Variants in CELF2 observed in about 807,000 individuals in gnomAD.
CELF2 encodes the protein CUG triplet repeat RNA-binding protein 2.
A neutral mutation model predicts 62.6 loss-of-function variants in CELF2; 8 were observed. The ratio of observed to expected loss-of-function variants is 0.13; its 90% confidence interval spans 0.07 to 0.23. The LOEUF (loss-of-function observed/expected upper bound fraction) is 0.23, where lower values mean the gene tolerates loss of function less well. Among genes scored for constraint, CELF2 ranks in the 10% least tolerant of loss-of-function variants. The probability of loss-of-function intolerance (pLI) is 1.00; values close to 1 mark genes in which losing one functional copy is unlikely to be tolerated. For synonymous variants in CELF2, 258 were observed against 250.0 expected, an observed-to-expected ratio of 1.03 and a Z score of -0.30; for missense variants, 333 against 671.0, an observed-to-expected ratio of 0.50 and a Z score of 5.56.
At chr10:10,540,348 C>A in the CELF2 span, among the ~76,000 whole-genome samples, 2 of 152,208 alleles carry the variant, frequency 1.3e-5, no homozygotes, top group Admixed American at 1.3e-4. Flanking sequence ...CTCATGCACA[C>A]AGTCCTGGGT....
At chr10:10,817,935 G>A (rs2056620824) in intron 1 of CELF2, among the ~76,000 whole-genome samples, 1 of 152,150 alleles carries the variant, frequency 6.6e-6, no homozygotes, top group South Asian at 2.1e-4. Context: ...AATCCAGTCT[G>A]CCACTTCATA....
At chr10:11,137,323 G>A (rs149833029) in intron 1 of CELF2, among the ~76,000 whole-genome samples, 326 of 152,320 alleles carry the variant, frequency 2.1e-3, no homozygotes, top group Non-Finnish European at 3.6e-3. Context: ...ATCTTCTGGA[G>A]TTAGCCCTCT....
chr10:10,840,971 T>G (rs1404944758), intron 1 of CELF2, among the ~76,000 whole-genome samples: 1 of 152,206 alleles, frequency 6.6e-6, no homozygotes, highest in Non-Finnish European at 1.5e-5. Context: ...GTTAGTTTGC[T>G]GAGAATGATG....
chr10:10,909,702 T>C (rs748066083), intron 1 of CELF2, among the ~76,000 whole-genome samples: 1 of 152,242 alleles, frequency 6.6e-6, no homozygotes, highest in Non-Finnish European at 1.5e-5. Context: ...TCCCTTGATA[T>C]CTGTTTCAGC....
chr10:11,239,873 G>A (rs1458108493), intron 3 of CELF2, among the ~76,000 whole-genome samples: 3 of 152,124 alleles, frequency 2.0e-5, no homozygotes, highest in African/African-American at 7.2e-5. Flanking sequence ...GGCCAACATG[G>A]TGAAACCCCG....
chr10:10,853,892 A>G (rs553581316), intron 1 of CELF2, among the ~76,000 whole-genome samples: 8 of 151,824 alleles, frequency 5.3e-5, no homozygotes, highest in African/African-American at 1.7e-4. Context: ...CAAGGAAATT[A>G]AAAGGGAGAG....
At chr10:10,508,676 G>A in the CELF2 span, among the ~76,000 whole-genome samples, 157 of 76,334 alleles carry the variant, frequency 2.1e-3, 1 homozygote, top group East Asian at 0.11. Context: ...GTGTGTGTGT[G>A]TGTGTGTGTG....
At chr10:11,051,929 G>T (rs946546060) in intron 1 of CELF2, among the ~76,000 whole-genome samples, 5 of 145,540 alleles carry the variant, frequency 3.4e-5, no homozygotes, top group Non-Finnish European at 7.4e-5. Flanking sequence ...TGGAGACAGG[G>T]TCTCTGTGGC....
the CELF2 span, among the ~76,000 whole-genome samples, chr10:10,564,674 G>GCA: frequency 3.1e-5 from 2 of 64,284 alleles, no homozygotes; most frequent in Non-Finnish European, 3.1e-5. Context: ...ACACACACAC[G>GCA]CACACACGCA....
rs745848953 is a variant in CELF2, at chr10:10,924,724, C to CTTTTTTTTTTTTTTTT, written c.89+4728_89+4743dup. 9.8e-4 allele frequency among the ~76,000 whole-genome samples: 87 copies of CTTTTTTTTTTTTTTTT among 89,152 alleles called. 6 individuals are homozygous for CTTTTTTTTTTTTTTTT. The highest frequency in any genetic ancestry group is 1.1e-3 in the Non-Finnish European group (57 of 49,972). The allele number at this position is 89,152 out of a possible 152,430, so 58.5% of individuals were successfully genotyped here. On this transcript the variant is annotated intron_variant, in intron 2 of 13. Transcript: ENST00000636488. ...GTATATTAATCCAGTAACTTGATCGCTTTTTTTTTTTTTTTTTTGCCTTCT... is the reference window on the plus strand; with the variant it reads ...GTATATTAATCCAGTAACTTGATCGCTTTTTTTTTTTTTTTTTTTTTTTTTTTTTTTTTTGCCTTCT...
At chr10:10,836,699 G>A (rs575933099) in intron 1 of CELF2, among the ~76,000 whole-genome samples, 4 of 152,194 alleles carry the variant, frequency 2.6e-5, no homozygotes, top group Admixed American at 2.0e-4. Flanking sequence ...GCCATGGCAC[G>A]ATCTTGGCTC....
At chr10:10,701,990 GAGC>G in the CELF2 span, among the ~76,000 whole-genome samples, 1 of 152,192 alleles carries the variant, frequency 6.6e-6, no homozygotes, top group Non-Finnish European at 1.5e-5. Context: ...GTAATTGAAG[GAGC>G]AGCGGTACCG....
chr10:10,478,815 AT>A, the CELF2 span, among the ~76,000 whole-genome samples: 8 of 152,220 alleles, frequency 5.3e-5, no homozygotes. Context: ...TTTTAAAAGC[AT>A]TCACAGCAAA....
At chr10:10,653,068 T>C in the CELF2 span, among the ~76,000 whole-genome samples, 2 of 152,140 alleles carry the variant, frequency 1.3e-5, no homozygotes, top group Non-Finnish European at 2.9e-5. Context: ...GTTGCAATCC[T>C]CATTTCTGAT....
chr10:10,672,292 G>T, the CELF2 span, among the ~76,000 whole-genome samples: 6 of 152,220 alleles, frequency 3.9e-5, no homozygotes, highest in African/African-American at 1.4e-4. Context: ...CCCGCCATTT[G>T]TGTCACACTC....
Position 11,159,291 on chromosome 10 carries a change from T to G in CELF2, c.75-6195T>G, listed in dbSNP as rs1381369528. 6.6e-6 allele frequency among the ~76,000 whole-genome samples: 1 copy of G among 152,244 alleles called. No individual in the cohort carries two copies. Among genetic ancestry groups the G allele is most frequent in the Non-Finnish European group, 1.5e-5 (1 of 68,046 alleles). On this transcript the variant is annotated intron_variant, in intron 1 of 12. Coordinates refer to ENST00000633077, the MANE Select transcript of CELF2 (RefSeq NM_001326342.2). This position sits in a 1 kb window ranked among gnomAD's most constrained non-coding sequence, Gnocchi z 5.0. Reference sequence around the variant, plus strand: ...ATTTTGTTAAATTTACCCAAAGTTTTCAGCAGCCCTGGATGCCACTACAGT... The same window carrying G: ...ATTTTGTTAAATTTACCCAAAGTTTGCAGCAGCCCTGGATGCCACTACAGT...
At chr10:10,548,965 C>A in the CELF2 span, among the ~76,000 whole-genome samples, 1 of 152,132 alleles carries the variant, frequency 6.6e-6, no homozygotes, top group Non-Finnish European at 1.5e-5. Context: ...ATAGTGGCTG[C>A]AAAGGGCCGA....
At chr10:10,712,123 C>T in the CELF2 span, among the ~76,000 whole-genome samples, 1 of 129,996 alleles carries the variant, frequency 7.7e-6, no homozygotes, top group Admixed American at 8.4e-5. Context: ...ATATATAGTC[C>T]CTTGGAAATT....
chr10:11,053,514 A>AT (rs1430977932), intron 1 of CELF2, among the ~76,000 whole-genome samples: 2 of 151,442 alleles, frequency 1.3e-5, no homozygotes, highest in Admixed American at 1.3e-4. Context: ...GGCTAAAAGA[A>AT]TTTTTTGCAT....
Sources: allele counts gnomAD v4.1 joint callset (sites outside exome capture counted in the v4.1 genomes callset), GRCh38; gene constraint gnomAD v4.1.1; non-coding constraint Gnocchi (gnomAD v3.1); transcripts MANE v1.5; gene names NCBI Gene and HGNC (gene_info 2026-07-23, HGNC 2026-07-21).